Variants in GABRB1 observed in about 807,000 individuals in gnomAD.
GABRB1 encodes the protein gamma-aminobutyric acid type A receptor subunit beta1.
In GABRB1, 17 loss-of-function variants were observed where a neutral mutation model predicts 51.6. The ratio of observed to expected loss-of-function variants is 0.33; its 90% CI spans 0.23 to 0.49. GABRB1 has a LOEUF of 0.49. Ranked by LOEUF, GABRB1 falls within the 20% of genes least tolerant of loss-of-function variation. GABRB1 has a pLI of 0.99. For missense variants in GABRB1, 410 were observed against 600.6 expected (o/e 0.68, Z 3.32); for synonymous variants, 247 against 218.9 (o/e 1.13, Z -1.14).
chr4:46,996,114 ATTTAC>A (rs1723987983), intron 1 of GABRB1, among the ~76,000 whole-genome samples: 1 of 150,538 alleles, frequency 6.6e-6, no homozygotes, highest in East Asian at 1.9e-4. Context: ...AAAAGTTATA[ATTTAC>A]TTTAACTTAT....
At position 47,152,828 on chromosome 4, in the gene GABRB1, G is replaced by T. The variant is rs577867344; in HGVS notation, c.241-8421G>T. Among the ~76,000 whole-genome samples, 13 of 152,172 alleles carry T rather than the reference G, an allele frequency of 8.5e-5. No homozygotes were observed. In the East Asian group the frequency reaches 2.3e-3, roughly 27 times the overall value. ...ACCTCCCATATTAAAAGGTCACCAA[G>T]TGCTGCCTTAAATAACTCACAGTTT... On this transcript the variant is annotated intron_variant, in intron 3 of 8. Transcript: ENST00000295454.
At chr4:47,333,715 C>T (rs892115671) in intron 5 of GABRB1, among the ~76,000 whole-genome samples, 1 of 151,910 alleles carries the variant, frequency 6.6e-6, no homozygotes, top group Non-Finnish European at 1.5e-5. Flanking sequence ...AACATCATCA[C>T]CCCACCCCCC....
At chr4:46,998,768 C>T (rs1254625622) in intron 1 of GABRB1, among the ~76,000 whole-genome samples, 1 of 135,778 alleles carries the variant, frequency 7.4e-6, no homozygotes, top group African/African-American at 2.7e-5. Flanking sequence ...GGAAAGAATA[C>T]AATTTAAGGG....
intron 5 of GABRB1, among the ~76,000 whole-genome samples, chr4:47,389,520 C>G (rs1170776905): frequency 6.6e-6 from 1 of 152,142 alleles, no homozygotes; most frequent in Non-Finnish European, 1.5e-5. Context: ...CAGTGGATGA[C>G]CATTCAAACA....
chr4:47,370,495 A>G (rs960297898), intron 5 of GABRB1, among the ~76,000 whole-genome samples: 5 of 151,992 alleles, frequency 3.3e-5, no homozygotes, highest in African/African-American at 1.2e-4. Flanking sequence ...TCAAAAAAAA[A>G]AAAGAAAGAA....
intron 4 of GABRB1, among the ~76,000 whole-genome samples, chr4:47,175,576 T>C (rs1001953786): frequency 1.3e-5 from 2 of 152,192 alleles, no homozygotes; most frequent in African/African-American, 2.4e-5. Context: ...TATATGAAAC[T>C]GGAACCTTAT....
intron 5 of GABRB1, among the ~76,000 whole-genome samples, chr4:47,323,779 T>C (rs1249267109): frequency 6.6e-6 from 1 of 152,156 alleles, no homozygotes; most frequent in Admixed American, 6.5e-5. Context: ...ATTAAAGATG[T>C]TTTGTTTAAC....
intron 5 of GABRB1, among the ~76,000 whole-genome samples, chr4:47,375,466 A>T (rs1441380801): frequency 6.6e-6 from 1 of 152,206 alleles, no homozygotes; most frequent in Non-Finnish European, 1.5e-5. Flanking sequence ...GCAGTCACAA[A>T]CACATACCCT....
chr4:47,272,628 T>C (rs1488091866), intron 4 of GABRB1, among the ~76,000 whole-genome samples: 2 of 152,160 alleles, frequency 1.3e-5, no homozygotes, highest in Non-Finnish European at 2.9e-5. Flanking sequence ...TAATTCACCC[T>C]AGATGTCAAA....
At chr4:47,132,350 C>A (rs957790838) in intron 3 of GABRB1, among the ~76,000 whole-genome samples, 1 of 151,856 alleles carries the variant, frequency 6.6e-6, no homozygotes, top group Non-Finnish European at 1.5e-5. Flanking sequence ...GCTTGTTTAC[C>A]ATCTCTGTGA....
chr4:47,331,888 CTCAG>C (rs1725498708), intron 5 of GABRB1, among the ~76,000 whole-genome samples: 1 of 152,200 alleles, frequency 6.6e-6, no homozygotes, highest in South Asian at 2.1e-4. Flanking sequence ...GAGATTTGAA[CTCAG>C]TCAATCTGAC....
At chr4:47,290,702 G>C (rs1253658123) in intron 4 of GABRB1, among the ~76,000 whole-genome samples, 2 of 152,116 alleles carry the variant, frequency 1.3e-5, no homozygotes, top group African/African-American at 4.8e-5. Flanking sequence ...CTGGATAAAA[G>C]GTGACTCTTG....
intron 5 of GABRB1, among the ~76,000 whole-genome samples, chr4:47,326,625 CT>C (rs990842097): frequency 6.6e-6 from 1 of 152,102 alleles, no homozygotes; most frequent in Non-Finnish European, 1.5e-5. Context: ...GGAAAAACTA[CT>C]ACAGTGCTCT....
At chr4:47,048,595 A>G (rs1201841299) in intron 3 of GABRB1, among the ~76,000 whole-genome samples, 3 of 152,194 alleles carry the variant, frequency 2.0e-5, no homozygotes, top group South Asian at 2.1e-4. Flanking sequence ...GGCTAAGAAT[A>G]GAAATAGTGG....
upstream of GABRB1, among the ~76,000 whole-genome samples, chr4:47,029,446 G>A (rs1450941714): frequency 2.0e-5 from 3 of 148,702 alleles, no homozygotes; most frequent in East Asian, 6.0e-4. Context: ...TTTTTTTTCT[G>A]GTAATTTCTT....
chr4:47,230,790 C>A (rs1442782779), intron 4 of GABRB1, among the ~76,000 whole-genome samples: 2 of 152,104 alleles, frequency 1.3e-5, no homozygotes, highest in Admixed American at 6.6e-5. Flanking sequence ...TCCCATGGAA[C>A]CCATCTTGAG....
chr4:47,076,256 G>A (rs948508428), intron 3 of GABRB1, among the ~76,000 whole-genome samples: 1 of 152,202 alleles, frequency 6.6e-6, no homozygotes, highest in South Asian at 2.1e-4. Context: ...GCCCCTGGTG[G>A]AAATCTTGCT....
chr4:47,037,121 GA>G (rs1725611284), intron 3 of GABRB1, among the ~76,000 whole-genome samples: 2 of 152,144 alleles, frequency 1.3e-5, no homozygotes, highest in African/African-American at 4.8e-5. Flanking sequence ...AATCTCAAAT[GA>G]TGGCAATGAA....
chr4:47,087,143 TGA>T (rs1728111216), intron 3 of GABRB1, among the ~76,000 whole-genome samples: 1 of 152,296 alleles, frequency 6.6e-6, no homozygotes, highest in East Asian at 1.9e-4. Flanking sequence ...ACTTAATCCA[TGA>T]GGATGGCATA....
Sources: allele counts gnomAD v4.1 joint callset (sites outside exome capture counted in the v4.1 genomes callset), GRCh38; gene constraint gnomAD v4.1.1; transcripts MANE v1.5; gene names NCBI Gene and HGNC (gene_info 2026-07-23, HGNC 2026-07-21).